ZNF329: variants seen among roughly 807,000 people sequenced by gnomAD.
ZNF329 encodes zinc finger protein 329.
ZNF329 carries 15 observed loss-of-function variants against 26.6 expected under a neutral mutation model. The observed-to-expected ratio is 0.56, with a 90% CI of 0.38 to 0.87. The LOEUF is 0.87. Ranked by LOEUF, ZNF329 falls within the 40% of genes least tolerant of loss-of-function variation. The pLI is 0.00. For missense variants in ZNF329, 651 were observed against 651.9 expected (o/e 1.00, Z 0.02); for synonymous variants, 239 against 233.5 (o/e 1.02, Z -0.21).
At position 58,128,620 on chromosome 19, in the gene ZNF329, G is replaced by A. The variant is rs759249275; in HGVS notation, c.884C>T (p.Thr295Ile). ...KPYECLECGKTFNRNSSLILH... is the reference protein window; with the variant it reads ...KPYECLECGKIFNRNSSLILH... ...AATTAAGGATGAATTTCGGTTGAAG[G>A]TTTTTCCACACTCTAGGCATTCATA... Residue 295 changes from threonine to isoleucine, a missense_variant, in exon 4 of 4, where the codon ACC (threonine) becomes ATC (isoleucine). By Grantham distance (89) the Thr-to-Ile change is moderately conservative. Transcript: ENST00000598312. 9.9e-6 allele frequency: 16 copies of A among 1,609,590 alleles called. No homozygotes were observed. The highest frequency in any genetic ancestry group is 6.7e-5 in the African/African-American group (5 of 74,758).
At chr19:58,148,486 AAAC>A (rs1019360492) in intron 1 of ZNF329, among the ~76,000 whole-genome samples, 1 of 151,490 alleles carries the variant, frequency 6.6e-6, no homozygotes, top group African/African-American at 2.4e-5. Context: ...TACAAATAAA[AAAC>A]AATTAGTTTT....
At chr19:58,134,130 T>A (rs145208498) in intron 3 of ZNF329, among the ~76,000 whole-genome samples, 2 of 152,336 alleles carry the variant, frequency 1.3e-5, no homozygotes, top group African/African-American at 2.4e-5. Flanking sequence ...CTTGGCAATA[T>A]CTGGAGATGA....
chr19:58,151,878 G>A (rs1600107689), upstream of ZNF329, among the ~76,000 whole-genome samples: 1 of 152,166 alleles, frequency 6.6e-6, no homozygotes, highest in East Asian at 1.9e-4. Flanking sequence ...TGCTTGATAG[G>A]AAAAAACAAA....
chr19:58,147,052 G>A (rs1379442159), intron 1 of ZNF329, among the ~76,000 whole-genome samples: 5 of 149,140 alleles, frequency 3.4e-5, no homozygotes, highest in African/African-American at 1.2e-4. Flanking sequence ...TGGCTGCCCA[G>A]TCTGGAAAGT....
chr19:58,135,429 G>A (rs2075042627), intron 3 of ZNF329, among the ~76,000 whole-genome samples: 1 of 152,084 alleles, frequency 6.6e-6, no homozygotes, highest in Admixed American at 6.5e-5. Flanking sequence ...CACTACGCCA[G>A]CTAATTTTTG....
At chr19:58,153,865 T>A (rs980697795), upstream of ZNF329, among the ~76,000 whole-genome samples, 1 of 152,096 alleles carries the variant, frequency 6.6e-6, no homozygotes, top group Non-Finnish European at 1.5e-5. Context: ...TACACCACCA[T>A]GCCTGGCTAA....
intron 3 of ZNF329, among the ~76,000 whole-genome samples, chr19:58,141,369 G>C (rs1045588903): frequency 6.6e-6 from 1 of 151,932 alleles, no homozygotes; most frequent in African/African-American, 2.4e-5. Context: ...AGCGATCTCA[G>C]CTCACTGCAA....
intron 2 of ZNF329, among the ~76,000 whole-genome samples, 174 bp downstream of exon 2, chr19:58,142,931 C>G (rs1212668251): frequency 1.3e-5 from 2 of 152,210 alleles, no homozygotes; most frequent in Non-Finnish European, 2.9e-5. Context: ...AGCCCCAACC[C>G]CAACCCCATT....
chr19:58,146,000 G>GAAAAAAAAAAAA (rs36035684), intron 1 of ZNF329, among the ~76,000 whole-genome samples: 1 of 123,232 alleles, frequency 8.1e-6, no homozygotes, highest in Non-Finnish European at 1.7e-5. Context: ...TCAATTTCAT[G>GAAAAAAAAAAAA]AAAAAAAAAA....
intron 3 of ZNF329, among the ~76,000 whole-genome samples, chr19:58,131,079 A>G (rs1600053483): frequency 6.6e-6 from 1 of 151,980 alleles, no homozygotes; most frequent in Non-Finnish European, 1.5e-5. Context: ...ATATGTCTAC[A>G]TTCTAGGCAA....
chr19:58,153,973 G>A (rs1210171424), upstream of ZNF329, among the ~76,000 whole-genome samples: 2 of 151,856 alleles, frequency 1.3e-5, no homozygotes, highest in Non-Finnish European at 2.9e-5. Context: ...TGGCGTTACA[G>A]GCGTGATCCA....
upstream of ZNF329, among the ~76,000 whole-genome samples, chr19:58,152,189 C>A (rs1287687506): frequency 6.6e-6 from 1 of 152,142 alleles, no homozygotes; most frequent in Non-Finnish European, 1.5e-5. Context: ...TCAGAACACA[C>A]TGACATATTA....
chr19:58,135,152 G>T lies in ZNF329; in HGVS notation c.-8-5641C>A, dbSNP rs182836383. Among the ~76,000 whole-genome samples, 785 of 152,148 alleles carry T rather than the reference G, an allele frequency of 5.2e-3. 10 individuals are homozygous for T. Among genetic ancestry groups the T allele is most frequent in the African/African-American group, 0.018 (754 of 41,494 alleles). On this transcript the variant is annotated intron_variant, in intron 3 of 3. Coordinates refer to ENST00000598312, the MANE Select transcript of ZNF329 (RefSeq NM_024620.4). ...TTTATAATGGGGGTCTCAGTATGTT[G>T]CCCAGGCTGGCCTCAAACTCCAGAG...
At chr19:58,139,436 G>A (rs1162693656) in intron 3 of ZNF329, among the ~76,000 whole-genome samples, 1 of 152,174 alleles carries the variant, frequency 6.6e-6, no homozygotes, top group African/African-American at 2.4e-5. Flanking sequence ...CTGGAGGCTA[G>A]GAAATCCAAA....
At chr19:58,141,302 T>C (rs1414367929) in intron 3 of ZNF329, among the ~76,000 whole-genome samples, 1 of 150,674 alleles carries the variant, frequency 6.6e-6, no homozygotes, top group Admixed American at 6.6e-5. Context: ...GGCTTAACAC[T>C]CTTTTTTTTT....
intron 1 of ZNF329, among the ~76,000 whole-genome samples, chr19:58,150,391 G>A (rs1172690746): frequency 6.6e-6 from 1 of 152,192 alleles, no homozygotes; most frequent in Admixed American, 6.5e-5. Context: ...CCCCGGAGAC[G>A]GACCAGGACA....
At chr19:58,146,838 C>A (rs112780391) in intron 1 of ZNF329, among the ~76,000 whole-genome samples, 1 of 151,900 alleles carries the variant, frequency 6.6e-6, no homozygotes, top group Non-Finnish European at 1.5e-5. Context: ...CAGACGGAGT[C>A]TGGTTCACTC....
In ZNF329 at chr19:58,128,079, T is replaced by C. The variant is rs777385507; in HGVS notation, c.1425A>G (p.Arg475=). 6.2e-7 allele frequency: 1 copy of C among 1,610,148 alleles called. No individual in the cohort carries two copies. The highest frequency in any genetic ancestry group is 1.3e-5 in the African/African-American group (1 of 74,762). ...RDSSCLTKHQ[R]IHTKETPYQC... Reference sequence around the variant, plus strand: ...GATATGGGGTCTCCTTAGTGTGAATTCTCTGGTGCTTGGTCAGACAGGAGC... The same window carrying C: ...GATATGGGGTCTCCTTAGTGTGAATCCTCTGGTGCTTGGTCAGACAGGAGC... The change falls in exon 4 of 4, where the codon AGA becomes AGG. Residue 475 remains arginine (R), a synonymous_variant. Transcript: ENST00000598312.
chr19:58,149,337 G>A (rs751817294), intron 1 of ZNF329, among the ~76,000 whole-genome samples: 27 of 152,004 alleles, frequency 1.8e-4, no homozygotes, highest in Non-Finnish European at 3.1e-4. Flanking sequence ...TTCTTAATAA[G>A]CTTGCTTTCA....
Sources: allele counts gnomAD v4.1 joint callset (sites outside exome capture counted in the v4.1 genomes callset), GRCh38; gene constraint gnomAD v4.1.1; transcripts MANE v1.5; gene names NCBI Gene and HGNC (gene_info 2026-07-23, HGNC 2026-07-21).